JPT2: variants seen among roughly 807,000 people sequenced by gnomAD.
The protein encoded by JPT2 is Jupiter microtubule associated homolog 2.
JPT2 carries 9 observed loss-of-function variants against 15.9 expected under a neutral mutation model. The ratio of observed to expected loss-of-function variants is 0.57; its 90% confidence interval spans 0.34 to 0.99. JPT2 has a LOEUF of 0.99. Ranked by LOEUF, JPT2 falls within the 50% of genes least tolerant of loss-of-function variation. The pLI, the probability that JPT2 is intolerant of heterozygous loss-of-function variation, is 0.02. For missense variants in JPT2, 267 were observed against 252.1 expected (o/e 1.06, Z -0.40); for synonymous variants, 95 against 91.7 (o/e 1.04, Z -0.21).
At chr16:1,691,801 G>A (rs1407960567) in intron 2 of JPT2, 42 bp from the exon 3 acceptor site, 2 of 1,591,498 alleles carry the variant, frequency 1.3e-6, no homozygotes, top group South Asian at 2.3e-5. Context: ...GTGGGGTCCG[G>A]TGGACGTCTG....
chr16:1,686,670 C>CAG (rs2037068875), intron 2 of JPT2: 1 of 149,418 alleles, frequency 6.7e-6, no homozygotes. Context: ...GCCTGGGTGA[C>CAG]AGCTAGACTC....
At chr16:1,683,795 G>T (rs1035118958) in intron 1 of JPT2, among the ~76,000 whole-genome samples, 1 of 152,154 alleles carries the variant, frequency 6.6e-6, no homozygotes, top group African/African-American at 2.4e-5. Context: ...ACCTTGAGTG[G>T]TCAGTGTTTG....
Position 1,694,446 on chromosome 16 carries a change from A to G in JPT2, c.336+2461A>G, listed in dbSNP as rs111229151. On this transcript the variant is annotated intron_variant, in intron 3 of 4. Coordinates refer to ENST00000248098, the MANE Select transcript of JPT2 (RefSeq NM_144570.3). ...TAAAGAGAGACAAGAATGTAGCCCT[A>G]TAAGAGTCCTAATGGTGTTTTATTC... Among the ~76,000 whole-genome samples the G allele has an allele frequency of 9.6e-3, 1,465 of 152,394 alleles. 13 individuals are homozygous for G. The highest frequency in any genetic ancestry group is 0.014 in the Non-Finnish European group (946 of 68,038).
intron 2 of JPT2, chr16:1,686,570 T>C (rs2037068110): frequency 6.6e-6 from 1 of 150,666 alleles, no homozygotes; most frequent in Admixed American, 6.6e-5. Flanking sequence ...ACGCCTATAA[T>C]CCCAGCTACT....
chr16:1,680,827 C>G (rs996804308), intron 1 of JPT2, among the ~76,000 whole-genome samples: 1 of 152,218 alleles, frequency 6.6e-6, no homozygotes, highest in Admixed American at 6.5e-5. Flanking sequence ...CACTGCTTCT[C>G]TCTAAGCCTG....
At chr16:1,678,961 T>A (rs547003916) in intron 1 of JPT2, among the ~76,000 whole-genome samples, 5 of 152,106 alleles carry the variant, frequency 3.3e-5, no homozygotes, top group African/African-American at 1.2e-4. Flanking sequence ...TGGGGAAGAG[T>A]CAGTTCTATC....
chr16:1,688,804 T>G (rs1021548521), intron 2 of JPT2: 1 of 152,256 alleles, frequency 6.6e-6, no homozygotes, highest in Non-Finnish European at 1.5e-5. Context: ...GAGTTTATCT[T>G]CAATTATTAG....
chr16:1,685,701 G>C (rs147344335), intron 2 of JPT2, 114 bp downstream of exon 2: 6 of 1,118,342 alleles, frequency 5.4e-6, no homozygotes, highest in African/African-American at 3.2e-5. Flanking sequence ...GTAATCACTT[G>C]TTATCAGAGT....
At position 1,698,717 on chromosome 16, in the gene JPT2, G is replaced by A; in HGVS notation, c.386-94G>A. 8.0e-7 allele frequency: 1 copy of A among 1,246,616 alleles called. No individual in the cohort carries two copies. Among genetic ancestry groups the A allele is most frequent in the Non-Finnish European group, 1.1e-6 (1 of 908,328 alleles). 77.2% of individuals were successfully genotyped at this position (1,246,616 alleles called of 1,614,324 possible). A position where few individuals can be genotyped will look rare whatever the true frequency, so the allele number is the denominator to read the frequency against. ...CAGTTACAGCATGAATTTCTTGCAG[G>A]TTGCTCTATGACACACTTTTTATTT... On this transcript the variant is annotated intron_variant, in intron 4 of 4. Transcript: ENST00000248098. The surrounding 1 kb of genome is among the most constrained non-coding windows in gnomAD (Gnocchi z 4.9).
At chr16:1,691,269 C>G (rs976592491) in intron 2 of JPT2, among the ~76,000 whole-genome samples, 14 of 152,172 alleles carry the variant, frequency 9.2e-5, no homozygotes, top group Non-Finnish European at 1.5e-4. Context: ...TTCATTATGG[C>G]TTATCAAGTC....
intron 2 of JPT2, among the ~76,000 whole-genome samples, chr16:1,691,438 T>C (rs547487690): frequency 6.6e-6 from 1 of 152,324 alleles, no homozygotes; most frequent in Admixed American, 6.5e-5. Context: ...TCAGAACTCT[T>C]ATCTGTGTGA....
intron 3 of JPT2, among the ~76,000 whole-genome samples, chr16:1,697,311 T>G (rs2037149260): frequency 6.6e-6 from 1 of 152,086 alleles, no homozygotes; most frequent in Admixed American, 6.6e-5. Context: ...TCCAGGAGTT[T>G]GAGATGAGCT....
In JPT2 at chr16:1,699,589, A is replaced by G. The variant is rs150915176; in HGVS notation, c.*591A>G. On this transcript the variant is annotated 3_prime_UTR_variant, in exon 5 of 5. Coordinates refer to ENST00000248098, the MANE Select transcript of JPT2 (RefSeq NM_144570.3). Reference sequence around the variant, plus strand: ...ATAATAGTTATCCGTCTTCTACTTCATGGAAGATTGTTTTGGTGCCCTGAC... The same window carrying G: ...ATAATAGTTATCCGTCTTCTACTTCGTGGAAGATTGTTTTGGTGCCCTGAC... 181 of 313,544 alleles carry G rather than the reference A, an allele frequency of 5.8e-4. 3 individuals carry two copies. In the East Asian group the frequency reaches 0.014, roughly 25 times the overall value. The allele number at this position is 313,544 out of a possible 1,614,324, so 19.4% of individuals were successfully genotyped here. A position where few individuals can be genotyped will look rare whatever the true frequency, so the allele number is the denominator to read the frequency against.
intron 1 of JPT2, among the ~76,000 whole-genome samples, chr16:1,678,742 G>T (rs1225503328): frequency 2.0e-5 from 3 of 151,872 alleles, no homozygotes; most frequent in South Asian, 2.1e-4. Flanking sequence ...GGCCCATTTT[G>T]TCTGTGGGAT....
chr16:1,684,726 A>G (rs966510171), intron 1 of JPT2, among the ~76,000 whole-genome samples: 2 of 151,386 alleles, frequency 1.3e-5, no homozygotes, highest in African/African-American at 4.9e-5. Context: ...CTGGGCAACA[A>G]GAGTAAAACT....
chr16:1,680,295 A>G (rs1260886853), intron 1 of JPT2: 3 of 993,148 alleles, frequency 3.0e-6, no homozygotes, highest in Non-Finnish European at 3.6e-6. Flanking sequence ...TGCCCGGTAA[A>G]TGATGGTGTT....
intron 3 of JPT2, among the ~76,000 whole-genome samples, chr16:1,692,786 G>A (rs1409936143): frequency 1.3e-5 from 2 of 152,084 alleles, no homozygotes; most frequent in Admixed American, 1.3e-4. Context: ...TACCTTTTTT[G>A]TGGTTAAAAG....
rs1326554903 is a variant in JPT2, at chr16:1,699,054, A to G, written c.*56A>G. 3 of 1,565,174 alleles carry G rather than the reference A, an allele frequency of 1.9e-6. No individual in the cohort carries two copies. The highest frequency in any genetic ancestry group is 1.7e-5 in the Admixed American group (1 of 59,974). On this transcript the variant is annotated 3_prime_UTR_variant, in exon 5 of 5. Coordinates refer to ENST00000248098, the MANE Select transcript of JPT2 (RefSeq NM_144570.3). ...CAGAAACTCAAGAGATAGGGTAGCC[A>G]TGTTTTCATTTCCTTTTGCCCAAAT...
chr16:1,686,897 C>T (rs866610796), intron 2 of JPT2, among the ~76,000 whole-genome samples: 2 of 152,088 alleles, frequency 1.3e-5, no homozygotes, highest in African/African-American at 2.4e-5. Flanking sequence ...GATCCACTCC[C>T]GACCTCACTC....
Sources: gnomAD v4.1 joint callset for allele counts (sites outside exome capture counted in the v4.1 genomes callset) on GRCh38, gnomAD v4.1.1 for gene constraint, Gnocchi (gnomAD v3.1) non-coding constraint, MANE v1.5 for transcripts, NCBI Gene and HGNC (gene_info 2026-07-23, HGNC 2026-07-21) for gene names.